The following UGGT1 variants were observed in gnomAD, a reference collection of about 807,000 sequenced individuals.
UGGT1 encodes the protein UDP-glucose glycoprotein glucosyltransferase 1, also known as UDP-glucose:glycoprotein glucosyltransferase 1.
In UGGT1, 107 loss-of-function variants were observed where a neutral mutation model predicts 203.9. The observed-to-expected ratio is 0.52, with a 90% confidence interval of 0.45 to 0.62. UGGT1 has a LOEUF of 0.62. Among genes scored for constraint, UGGT1 ranks in the 20% least tolerant of loss-of-function variants. The pLI, the probability that UGGT1 is intolerant of heterozygous loss-of-function variation, is 0.00. For synonymous variants in UGGT1, 628 were observed against 653.5 expected (o/e 0.96, Z 0.59); for missense variants, 1,673 against 1,867.2 (o/e 0.90, Z 1.92).
chr2:128,121,475 G>A (rs920568252), intron 10 of UGGT1, among the ~76,000 whole-genome samples, 177 bp downstream of exon 10: 1 of 140,438 alleles, frequency 7.1e-6, no homozygotes, highest in African/African-American at 2.7e-5. Context: ...GTGCAATCTC[G>A]GCTTACCACA....
At chr2:128,160,681 G>A (rs529670202) in intron 24 of UGGT1, 90 bp downstream of exon 24, 1 of 1,487,650 alleles carries the variant, frequency 6.7e-7, no homozygotes, top group East Asian at 2.5e-5. Context: ...TTCAGACAGA[G>A]CCACTCTTTT....
rs142235848 is a variant in UGGT1, at chr2:128,185,961, G to A, written c.4360-722G>A. Reference sequence around the variant, plus strand: ...GGTAGCATTGGCTAGAAAAAATGTCGTCTATTTGGGAGCAAGTCTCAATAG... The same window carrying A: ...GGTAGCATTGGCTAGAAAAAATGTCATCTATTTGGGAGCAAGTCTCAATAG... On this transcript the variant is annotated intron_variant, in intron 38 of 40. Transcript: ENST00000259253. Among the ~76,000 whole-genome samples the A allele has an allele frequency of 3.7e-3, 570 of 152,082 alleles. 1 individual carries two copies. Among genetic ancestry groups the A allele is most frequent in the African/African-American group, 0.013 (545 of 41,412 alleles).
Position 128,189,804 on chromosome 2 carries a change from T to G in UGGT1, c.*62T>G. 4 of 1,589,128 alleles carry G rather than the reference T, an allele frequency of 2.5e-6. No individual in the cohort carries two copies. The highest frequency in any genetic ancestry group is 3.4e-6 in the Non-Finnish European group (4 of 1,161,804). On this transcript the variant is annotated 3_prime_UTR_variant, in exon 41 of 41. Transcript: ENST00000259253. ...AACAGTTTTTATAATAAATGCTAGT[T>G]TTTTCTGATCTGTCTATACAACTGC...
intron 1 of UGGT1, among the ~76,000 whole-genome samples, chr2:128,097,100 G>A (rs896694626): frequency 3.9e-5 from 6 of 152,236 alleles, no homozygotes; most frequent in Non-Finnish European, 8.8e-5. Flanking sequence ...TAGCAGGCCA[G>A]GCATGGTGGC....
intron 11 of UGGT1, among the ~76,000 whole-genome samples, chr2:128,126,484 C>T (rs1041267104): frequency 6.6e-6 from 1 of 151,874 alleles, no homozygotes; most frequent in Non-Finnish European, 1.5e-5. Context: ...TCAGGTAATC[C>T]ACCCGCCTCG....
rs757021149 is a variant in UGGT1, at chr2:128,189,847, AG to A, written c.*107del. The stretch of plus-strand genomic sequence containing the variant: ...ACAACTGCTGATAAGCCGGCTGGGC[AG>A]GAGTGCCACACCTTTTGATTCTGAG... On this transcript the variant is annotated 3_prime_UTR_variant, in exon 41 of 41. Coordinates refer to ENST00000259253, the MANE Select transcript of UGGT1 (RefSeq NM_020120.4). 14 of 1,308,678 alleles carry A rather than the reference AG, an allele frequency of 1.1e-5. No individual in the cohort carries two copies. The highest frequency in any genetic ancestry group is 1.5e-5 in the Non-Finnish European group (14 of 926,724). 81.1% of individuals were successfully genotyped at this position (1,308,678 alleles called of 1,614,324 possible).
intron 22 of UGGT1, among the ~76,000 whole-genome samples, chr2:128,157,878 G>A (rs1251586400): frequency 6.6e-6 from 1 of 152,222 alleles, no homozygotes; most frequent in Non-Finnish European, 1.5e-5. Flanking sequence ...CTTCTGGAGA[G>A]TGTCATCGTT....
intron 2 of UGGT1, among the ~76,000 whole-genome samples, chr2:128,102,793 G>T (rs1224061660): frequency 6.6e-6 from 1 of 152,118 alleles, no homozygotes; most frequent in African/African-American, 2.4e-5. Context: ...GTGTCACCTT[G>T]CCCCTCTCTG....
intron 10 of UGGT1, among the ~76,000 whole-genome samples, chr2:128,121,532 A>C (rs765310026): frequency 9.3e-5 from 14 of 151,224 alleles, no homozygotes; most frequent in African/African-American, 3.4e-4. Flanking sequence ...CAGCCTCCCA[A>C]GTAGCTGGTA....
rs1041384285 is a variant in UGGT1 at position 128,137,957 on chromosome 2, C to T, written c.1584-760C>T. ...TTTAACCTTGGTTATTGCTTTTTGT[C>T]GTGGGACAGTTGTAAACCTTTTTTG... is the stretch of plus-strand genomic sequence containing the variant. On this transcript the variant is annotated intron_variant, in intron 15 of 40. Coordinates refer to ENST00000259253, the MANE Select transcript of UGGT1 (RefSeq NM_020120.4). Among the ~76,000 whole-genome samples the T allele has an allele frequency of 2.0e-4, 30 of 151,918 alleles. 1 individual carries two copies. Among genetic ancestry groups the T allele is most frequent in the Admixed American group, 6.6e-5 (1 of 15,248 alleles).
intron 5 of UGGT1, among the ~76,000 whole-genome samples, chr2:128,112,424 A>G (rs6731525): frequency 0.35 from 37,223 of 107,130 alleles, 6,681 homozygotes; most frequent in East Asian, 0.58. Context: ...CCATCTCCAA[A>G]AAAAAAAAAA....
At chr2:128,158,247 G>A (rs1367501584) in intron 22 of UGGT1, among the ~76,000 whole-genome samples, 1 of 152,100 alleles carries the variant, frequency 6.6e-6, no homozygotes, top group African/African-American at 2.4e-5. Context: ...GTAAAATGTA[G>A]GTTCACAAGA....
rs184948591 is a variant in UGGT1 at position 128,099,146 on chromosome 2, T to A, written c.194+1582T>A. ...TCATCTTCAATTTATATATATATAT[T>A]TTTTTGAGAGTTTTTGAGACAAGGC... is the stretch of plus-strand genomic sequence containing the variant. On this transcript the variant is annotated intron_variant, in intron 2 of 40. Transcript: ENST00000259253. Among the ~76,000 whole-genome samples the A allele has an allele frequency of 6.4e-4, 97 of 152,096 alleles. 1 individual carries two copies. The highest frequency in any genetic ancestry group is 5.6e-3 in the South Asian group (27 of 4,808).
chr2:128,193,175 C>CAAAAAAA lies in UGGT1; in HGVS notation c.*3455_*3461dup, dbSNP rs1172802172. 1 of 58,812 alleles carries CAAAAAAA rather than the reference C, an allele frequency of 1.7e-5. No individual in the cohort carries two copies. Among genetic ancestry groups the CAAAAAAA allele is most frequent in the Non-Finnish European group, 3.0e-5 (1 of 33,536 alleles). The allele number at this position is 58,812 out of a possible 1,614,324, so 3.6% of individuals were successfully genotyped here. A position where few individuals can be genotyped will look rare whatever the true frequency, so the allele number is the denominator to read the frequency against. On this transcript the variant is annotated 3_prime_UTR_variant, in exon 41 of 41. Transcript: ENST00000259253. ...CTGGCAATAGAGCGAGACTCCGTCT[C>CAAAAAAA]AAAAAAAAAAAAAAAAAAAAAAAAA...
intron 22 of UGGT1, among the ~76,000 whole-genome samples, chr2:128,159,213 C>T (rs1690394409): frequency 6.6e-6 from 1 of 151,662 alleles, no homozygotes; most frequent in African/African-American, 2.4e-5. Context: ...GATTCTCCTG[C>T]CACAGCCTTG....
Position 128,159,410 on chromosome 2 carries a change from A to T in UGGT1, c.2356-104A>T, listed in dbSNP as rs956393891. ...CACTGCGCCCGGCCTGAGACTTTTA[A>T]GAGAGATATTATTTGCTACTTATTG... On this transcript the variant is annotated intron_variant, in intron 22 of 40. Coordinates refer to ENST00000259253, the MANE Select transcript of UGGT1 (RefSeq NM_020120.4). The T allele has an allele frequency of 5.4e-6, 6 of 1,118,600 alleles. No homozygotes were observed. The African/African-American group carries it at 9.4e-5, about 17-fold the overall frequency. 69.3% of individuals were successfully genotyped at this position (1,118,600 alleles called of 1,614,324 possible).
At chr2:128,179,970 C>A in intron 35 of UGGT1, 100 bp downstream of exon 35, 1 of 1,039,186 alleles carries the variant, frequency 9.6e-7, no homozygotes, top group Non-Finnish European at 1.4e-6. Context: ...GCAAATTTTC[C>A]ATTTACTAAG....
At chr2:128,113,344 TA>T in intron 6 of UGGT1, 86 bp downstream of exon 6, 2 of 1,105,722 alleles carry the variant, frequency 1.8e-6, no homozygotes, top group Non-Finnish European at 2.4e-6. Flanking sequence ...TCCCTCTTTA[TA>T]AAAAAATCTA....
intron 34 of UGGT1, 42 bp from the exon 35 acceptor site, chr2:128,179,744 A>T: frequency 6.5e-7 from 1 of 1,535,680 alleles, no homozygotes; most frequent in Non-Finnish European, 9.0e-7. Flanking sequence ...AGGTTAAATA[A>T]CATTGGAAAG....
Sources: gnomAD v4.1 joint callset for allele counts (sites outside exome capture counted in the v4.1 genomes callset) on GRCh38, gnomAD v4.1.1 for gene constraint, MANE v1.5 for transcripts, NCBI Gene and HGNC (gene_info 2026-07-23, HGNC 2026-07-21) for gene names.